CDH23: variants seen among roughly 807,000 people sequenced by gnomAD.
The protein encoded by CDH23 is cadherin related 23, also known as cadherin-23.
CDH23 carries 189 observed loss-of-function variants against 317.1 expected under a neutral mutation model. The observed-to-expected ratio is 0.60, with a 90% CI of 0.53 to 0.67. CDH23 has a LOEUF of 0.67. CDH23 is among the 30% of genes least tolerant of loss of function. CDH23 has a pLI of 0.00. For synonymous variants in CDH23, 1,839 were observed against 1,876.8 expected (o/e 0.98, Z 0.52); for missense variants, 4,401 against 4,592.4 (o/e 0.96, Z 1.20).
intron 9 of CDH23, among the ~76,000 whole-genome samples, chr10:71,607,753 A>C (rs1860618268): frequency 6.6e-6 from 1 of 152,180 alleles, no homozygotes; most frequent in Admixed American, 6.5e-5. Context: ...ACATACAAAA[A>C]TTAGCTGAGC....
intron 11 of CDH23, among the ~76,000 whole-genome samples, chr10:71,622,428 G>T (rs117226491): frequency 1.3e-5 from 2 of 152,178 alleles, no homozygotes; most frequent in Non-Finnish European, 2.9e-5. Context: ...CTGTTCAGTT[G>T]TCCTAGAAAA....
At chr10:71,715,995 G>A (rs752550607) in intron 28 of CDH23, 191 of 1,498,018 alleles carry the variant, frequency 1.3e-4, no homozygotes, top group Non-Finnish European at 1.5e-4. Context: ...GGGCCCGGCA[G>A]GGGCTGTCGA....
chr10:71,710,865 T>A (rs773085048), intron 27 of CDH23, among the ~76,000 whole-genome samples: 1 of 152,114 alleles, frequency 6.6e-6, no homozygotes, highest in Non-Finnish European at 1.5e-5. Context: ...TGTGATCAGG[T>A]AGGGCCATGT....
At chr10:71,786,051 T>C (rs1841097874) in intron 44 of CDH23, among the ~76,000 whole-genome samples, 1 of 152,186 alleles carries the variant, frequency 6.6e-6, no homozygotes, top group South Asian at 2.1e-4. Context: ...TCAGTGAACA[T>C]CAACTATCAT....
chr10:71,549,787 G>A (rs915552842), intron 6 of CDH23, among the ~76,000 whole-genome samples: 5 of 152,318 alleles, frequency 3.3e-5, no homozygotes, highest in African/African-American at 1.2e-4. Flanking sequence ...CCAGAGAAGC[G>A]AAAACGGTCT....
chr10:71,809,814 C>T lies in CDH23; in HGVS notation c.8723-6C>T. The T allele has an allele frequency of 1.2e-6, 2 of 1,609,472 alleles. No homozygotes were observed. The highest frequency in any genetic ancestry group is 1.1e-5 in the South Asian group (1 of 91,050). On this transcript the variant is annotated splice_polypyrimidine_tract_variant and splice_region_variant and intron_variant, in intron 60 of 69. Coordinates refer to ENST00000224721, the MANE Select transcript of CDH23 (RefSeq NM_022124.6). Reference sequence around the variant, plus strand: ...GAGCCGTACCCCGCCTTTGGGCTTCCTGCAGGGAGCATGGACGGCATTCTG... The same window carrying T: ...GAGCCGTACCCCGCCTTTGGGCTTCTTGCAGGGAGCATGGACGGCATTCTG...
chr10:71,428,498 C>G (rs1849218777), intron 1 of CDH23, among the ~76,000 whole-genome samples: 1 of 151,202 alleles, frequency 6.6e-6, no homozygotes, highest in South Asian at 2.1e-4. Flanking sequence ...TGAGTATGAA[C>G]TGGTATCTCA....
intron 9 of CDH23, among the ~76,000 whole-genome samples, chr10:71,592,147 A>T (rs184634106): frequency 6.6e-6 from 1 of 152,228 alleles, no homozygotes; most frequent in Admixed American, 6.5e-5. Context: ...CTTTCAGGGC[A>T]TCTGTGTTTA....
chr10:71,652,170 C>A (rs961874537), intron 14 of CDH23, among the ~76,000 whole-genome samples: 11 of 152,078 alleles, frequency 7.2e-5, no homozygotes, highest in Non-Finnish European at 1.3e-4. Context: ...GGGTAGAGCT[C>A]CACCTCTCAG....
intron 3 of CDH23, among the ~76,000 whole-genome samples, chr10:71,469,275 A>C (rs935167810): frequency 2.6e-5 from 4 of 152,060 alleles, no homozygotes; most frequent in African/African-American, 9.7e-5. Context: ...AGGTTTCCTC[A>C]TGCCCCTTCA....
intron 3 of CDH23, among the ~76,000 whole-genome samples, chr10:71,473,734 T>C (rs529127237): frequency 5.9e-5 from 9 of 152,338 alleles, no homozygotes; most frequent in South Asian, 2.1e-4. Flanking sequence ...TTATGGATGA[T>C]GATTGTAGCT....
Position 71,751,131 on chromosome 10 carries a change from G to T in CDH23, c.4845+9210G>T. 2 of 1,180,230 alleles carry T rather than the reference G, an allele frequency of 1.7e-6. No homozygotes were observed. Among genetic ancestry groups the T allele is most frequent in the Non-Finnish European group, 2.4e-6 (2 of 841,256 alleles). 73.1% of individuals were successfully genotyped at this position (1,180,230 alleles called of 1,614,324 possible). ...GGGCTTCTGGGATGTCACAGTATCT[G>T]AGCCCAGAGCAGGAGGGAGGGAACC... On this transcript the variant is annotated intron_variant, in intron 38 of 69. Coordinates refer to ENST00000224721, the MANE Select transcript of CDH23 (RefSeq NM_022124.6). The surrounding 1 kb of genome is among the most constrained non-coding windows in gnomAD (Gnocchi z 4.9).
intron 9 of CDH23, among the ~76,000 whole-genome samples, chr10:71,592,649 C>T (rs1859571830): frequency 6.6e-6 from 1 of 152,162 alleles, no homozygotes; most frequent in Non-Finnish European, 1.5e-5. Context: ...ACATTTAGGG[C>T]CCACCCAGAC....
At chr10:71,433,182 T>C (rs1849474352) in intron 1 of CDH23, among the ~76,000 whole-genome samples, 1 of 152,174 alleles carries the variant, frequency 6.6e-6, no homozygotes, top group Non-Finnish European at 1.5e-5. Context: ...CAGTGCTGTA[T>C]GCGCACACTC....
At chr10:71,408,628 AG>A (rs1848218240) in intron 1 of CDH23, among the ~76,000 whole-genome samples, 1 of 152,202 alleles carries the variant, frequency 6.6e-6, no homozygotes, top group Non-Finnish European at 1.5e-5. Flanking sequence ...TGATCTGCCA[AG>A]CTGTGTCTGC....
At chr10:71,485,397 T>C (rs1039128824) in intron 3 of CDH23, among the ~76,000 whole-genome samples, 3 of 152,238 alleles carry the variant, frequency 2.0e-5, no homozygotes, top group African/African-American at 7.2e-5. Context: ...AGGGAATGAA[T>C]GACACCATTA....
intron 9 of CDH23, among the ~76,000 whole-genome samples, chr10:71,579,863 C>A (rs929254942): frequency 2.0e-4 from 30 of 152,176 alleles, no homozygotes; most frequent in Non-Finnish European, 2.8e-4. Flanking sequence ...CACCGGTGAG[C>A]CCTGGGTGAT....
At chr10:71,427,209 GAA>G (rs1348133876) in intron 1 of CDH23, among the ~76,000 whole-genome samples, 23,334 of 108,586 alleles carry the variant, frequency 0.21, 3,567 homozygotes, top group African/African-American at 0.31. Context: ...AAGAAAGAAA[GAA>G]AGAAAGAAAG....
At chr10:71,582,813 A>G (rs1387234494) in intron 9 of CDH23, among the ~76,000 whole-genome samples, 1 of 152,112 alleles carries the variant, frequency 6.6e-6, no homozygotes, top group African/African-American at 2.4e-5. Context: ...AGTGGTGGAG[A>G]CCAGGGCACC....
Sources: gnomAD v4.1 joint callset for allele counts (sites outside exome capture counted in the v4.1 genomes callset) on GRCh38, gnomAD v4.1.1 for gene constraint, Gnocchi (gnomAD v3.1) non-coding constraint, MANE v1.5 for transcripts, NCBI Gene and HGNC (gene_info 2026-07-23, HGNC 2026-07-21) for gene names.